PCNX4: variants seen among roughly 807,000 people sequenced by gnomAD.
The protein encoded by PCNX4 is pecanex 4.
A neutral mutation model predicts 107.2 loss-of-function variants in PCNX4; 103 were observed. The observed-to-expected ratio is 0.96, with a 90% confidence interval of 0.82 to 1.13. The LOEUF is 1.13. PCNX4 is among the 50% of genes most tolerant of loss of function. The pLI is 0.00. For missense variants in PCNX4, 1,528 were observed against 1,379.4 expected (o/e 1.11, Z -1.71); for synonymous variants, 541 against 481.7 (o/e 1.12, Z -1.61).
chr14:60,119,805 TA>T (rs1895921571), intron 7 of PCNX4, among the ~76,000 whole-genome samples: 2 of 152,138 alleles, frequency 1.3e-5, no homozygotes, highest in Non-Finnish European at 2.9e-5. Flanking sequence ...AGCAATGAAA[TA>T]ATATTTCACA....
At chr14:60,108,529 G>C in intron 2 of PCNX4, 1 of 390,030 alleles carries the variant, frequency 2.6e-6, no homozygotes. Context: ...TTATTAAAGA[G>C]TTTTTTTAAA....
At position 60,108,078 on chromosome 14, in the gene PCNX4, C is replaced by G; in HGVS notation, c.440C>G (p.Ala147Gly). Reference protein sequence around the residue: ...VANTVFHSILAGLACGLGTWY... With the variant: ...VANTVFHSILGGLACGLGTWY... ...AATACAGTTTTTCATTCTATTCTTG[C>G]TGGATTAGCGTGTGGTCTTGGAACA... The change falls in exon 2 of 11, where the codon GCT (alanine) becomes GGT (glycine). Residue 147 changes from alanine to glycine, a missense_variant. Transcript: ENST00000406854. 1 of 1,612,856 alleles carries G rather than the reference C, an allele frequency of 6.2e-7. No homozygotes were observed. The highest frequency in any genetic ancestry group is 8.5e-7 in the Non-Finnish European group (1 of 1,179,876).
chr14:60,092,852 C>G (rs547871408), intron 1 of PCNX4, among the ~76,000 whole-genome samples: 6 of 152,258 alleles, frequency 3.9e-5, no homozygotes, highest in Non-Finnish European at 8.8e-5. Context: ...CCTCTTGTCT[C>G]TCCAGGACCA....
chr14:60,125,276 G>A (rs1896033565), intron 9 of PCNX4, 25 bp downstream of exon 9: 2 of 1,479,990 alleles, frequency 1.4e-6, no homozygotes, highest in African/African-American at 2.8e-5. Context: ...TCATATGTAA[G>A]TTATAACATT....
At chr14:60,132,077 A>G (rs1156792378) in intron 10 of PCNX4, among the ~76,000 whole-genome samples, 1 of 152,226 alleles carries the variant, frequency 6.6e-6, no homozygotes, top group Non-Finnish European at 1.5e-5. Context: ...TCATAGTTCT[A>G]AAGGTTAGAA....
chr14:60,118,709 T>G lies in PCNX4; in HGVS notation c.1942+17T>G. ...GAAGTTTAGGTAAGTAAATGGGTTG[T>G]GCTCAAGAATTTCTCACTAATGTAT... On this transcript the variant is annotated intron_variant, in intron 7 of 10. Coordinates refer to ENST00000406854, the MANE Select transcript of PCNX4 (RefSeq NM_001330177.2). 1 of 1,532,544 alleles carries G rather than the reference T, an allele frequency of 6.5e-7. No homozygotes were observed. Among genetic ancestry groups the G allele is most frequent in the Non-Finnish European group, 8.8e-7 (1 of 1,138,902 alleles). 94.9% of individuals were successfully genotyped at this position (1,532,544 alleles called of 1,614,324 possible). A position where few individuals can be genotyped will look rare whatever the true frequency, so the allele number is the denominator to read the frequency against.
Position 60,124,960 on chromosome 14 carries a change from G to A in PCNX4, c.2789G>A (p.Ser930Asn). 1.9e-6 allele frequency: 3 copies of A among 1,613,850 alleles called. No individual in the cohort carries two copies. The highest frequency in any genetic ancestry group is 1.1e-5 in the South Asian group (1 of 91,084). ...CCCAGTTCCAAAATGAAGGAGATGA[G>A]CTCGTTATTTCCAGAAGACTGGTAC... ...CMPSSKMKEMSSLFPEDWYQF... is the reference protein window; with the variant it reads ...CMPSSKMKEMNSLFPEDWYQF... Residue 930 changes from serine to asparagine, a missense_variant, in exon 9 of 11, where the codon AGC becomes AAC. By Grantham distance (46) the Ser-to-Asn change is conservative. Coordinates refer to ENST00000406854, the MANE Select transcript of PCNX4 (RefSeq NM_001330177.2).
At chr14:60,105,887 A>G (rs973952257) in intron 1 of PCNX4, among the ~76,000 whole-genome samples, 1 of 152,194 alleles carries the variant, frequency 6.6e-6, no homozygotes. Flanking sequence ...GCACATCCAC[A>G]TTCTTCAAAA....
rs1161811215 is a variant in PCNX4 at position 60,135,448 on chromosome 14, A to G, written c.*1227A>G. On this transcript the variant is annotated 3_prime_UTR_variant, in exon 11 of 11. Coordinates refer to ENST00000406854, the MANE Select transcript of PCNX4 (RefSeq NM_001330177.2). ...TTGTATTACTCTGAGTTTACATCTC[A>G]GACTTATGATTTAATTTACATGATT... is the stretch of plus-strand genomic sequence containing the variant. 1 of 152,228 alleles carries G rather than the reference A, an allele frequency of 6.6e-6. No homozygotes were observed. The highest frequency in any genetic ancestry group is 2.4e-5 in the African/African-American group (1 of 41,474). 9.4% of individuals were successfully genotyped at this position (152,228 alleles called of 1,614,324 possible).
intron 2 of PCNX4, among the ~76,000 whole-genome samples, chr14:60,113,272 G>A (rs527968022): frequency 3.2e-4 from 48 of 152,320 alleles, no homozygotes; most frequent in African/African-American, 9.1e-4. Context: ...ATAAAATGGC[G>A]TTACTATATT....
chr14:60,113,949 T>C (rs1473219468), intron 2 of PCNX4, among the ~76,000 whole-genome samples: 1 of 152,208 alleles, frequency 6.6e-6, no homozygotes, highest in Non-Finnish European at 1.5e-5. Context: ...CAAGTTTGAG[T>C]TTCTCCACTT....
At chr14:60,116,159 A>G (rs1895845112) in intron 6 of PCNX4, 99 bp downstream of exon 6, 2 of 1,123,818 alleles carry the variant, frequency 1.8e-6, no homozygotes, top group South Asian at 2.0e-5. Context: ...CATCACCACA[A>G]TCTAATTTTA....
At chr14:60,115,544 T>C in intron 4 of PCNX4, 83 bp downstream of exon 4, 1 of 1,444,012 alleles carries the variant, frequency 6.9e-7, no homozygotes, top group Non-Finnish European at 9.2e-7. Context: ...CCCATATTTG[T>C]GTGGTATTAT....
chr14:60,115,235 T>A lies in PCNX4; in HGVS notation c.1131T>A (p.Ala377=). The change falls in exon 4 of 11, where the codon GCT becomes GCA. Residue 377 remains alanine (A), a synonymous_variant. Transcript: ENST00000406854. ...AAACTAGCTTGCTTCATCACTTTGC[T>A]GGCTTCTCACAGATTTCTAAAAGCA... is the stretch of plus-strand genomic sequence containing the variant. ...LLETSLLHHF[A]GFSQISKSNS... is the part of the protein sequence containing the mutation. 1.2e-6 allele frequency: 2 copies of A among 1,613,340 alleles called. No individual in the cohort carries two copies. Among genetic ancestry groups the A allele is most frequent in the Non-Finnish European group, 1.7e-6 (2 of 1,179,362 alleles).
At chr14:60,103,748 G>T (rs1016504351) in intron 1 of PCNX4, among the ~76,000 whole-genome samples, 1 of 152,110 alleles carries the variant, frequency 6.6e-6, no homozygotes, top group Non-Finnish European at 1.5e-5. Flanking sequence ...AAGGGACAGG[G>T]AGCAAATTAA....
In PCNX4 at chr14:60,135,888, ATAGATAT is replaced by A. The variant is rs996105714; in HGVS notation, c.*1670_*1676del. The A allele has an allele frequency of 1.6e-4, 17 of 108,174 alleles. No individual in the cohort carries two copies. The highest frequency in any genetic ancestry group is 8.5e-4 in the African/African-American group (17 of 20,030). 6.7% of individuals were successfully genotyped at this position (108,174 alleles called of 1,614,324 possible). On this transcript the variant is annotated 3_prime_UTR_variant, in exon 11 of 11. Transcript: ENST00000406854. ...TTAATGACAGCATAAAATTCCATTG[ATAGATAT>A]TATTTATTGGACTACTGTCCCCCAA...
Position 60,124,761 on chromosome 14 carries a change from G to C in PCNX4, c.2590G>C (p.Asp864His). Residue 864 changes from aspartate (D) to histidine (H), a missense_variant, in exon 9 of 11, where the codon GAT becomes CAT. Physicochemically the swap from Asp to His is moderately conservative, Grantham distance 81. Coordinates refer to ENST00000406854, the MANE Select transcript of PCNX4 (RefSeq NM_001330177.2). Reference sequence around the variant, plus strand: ...ATCAGTAGAATCACAGAGGGTTGGTGATCATTCTACAGGCACTGTTCCTGA... The same window carrying C: ...ATCAGTAGAATCACAGAGGGTTGGTCATCATTCTACAGGCACTGTTCCTGA... ...PGSVESQRVG[D>H]HSTGTVPEND... 6.2e-7 allele frequency: 1 copy of C among 1,613,202 alleles called. No individual in the cohort carries two copies. Among genetic ancestry groups the C allele is most frequent in the Admixed American group, 1.7e-5 (1 of 60,012 alleles).
intron 2 of PCNX4, among the ~76,000 whole-genome samples, chr14:60,112,067 C>T (rs751029099): frequency 6.6e-6 from 1 of 152,160 alleles, no homozygotes; most frequent in Non-Finnish European, 1.5e-5. Context: ...AAGAGGCGAA[C>T]CCCGCAGTGT....
Position 60,135,275 on chromosome 14 carries a change from G to A in PCNX4, c.*1054G>A, listed in dbSNP as rs1419410107. The stretch of plus-strand genomic sequence containing the variant: ...AAATGTACCAGTTAAGTTGTTATTA[G>A]TATTCCATTTATTTAGTATGTGGAC... On this transcript the variant is annotated 3_prime_UTR_variant, in exon 11 of 11. Coordinates refer to ENST00000406854, the MANE Select transcript of PCNX4 (RefSeq NM_001330177.2). 1 of 152,104 alleles carries A rather than the reference G, an allele frequency of 6.6e-6. No individual in the cohort carries two copies. Among genetic ancestry groups the A allele is most frequent in the Non-Finnish European group, 1.5e-5 (1 of 68,014 alleles). 9.4% of individuals were successfully genotyped at this position (152,104 alleles called of 1,614,324 possible). A position where few individuals can be genotyped will look rare whatever the true frequency, so the allele number is the denominator to read the frequency against.
Sources: gnomAD v4.1 joint callset for allele counts (sites outside exome capture counted in the v4.1 genomes callset) on GRCh38, gnomAD v4.1.1 for gene constraint, MANE v1.5 for transcripts, NCBI Gene and HGNC (gene_info 2026-07-23, HGNC 2026-07-21) for gene names.